Variants in SGCZ observed in about 807,000 individuals in gnomAD.
SGCZ encodes zeta-sarcoglycan.
Under a neutral mutation model 41.3 loss-of-function variants are expected in SGCZ, and 40 were observed. That is an observed-to-expected ratio of 0.97 (90% confidence interval 0.75 to 1.26). The LOEUF (loss-of-function observed/expected upper bound fraction) is 1.26, where lower values mean the gene tolerates loss of function less well. SGCZ is among the 50% of genes most tolerant of loss of function. SGCZ has a pLI of 0.00. For missense variants in SGCZ, 552 were observed against 369.8 expected, an observed-to-expected ratio of 1.49 and a Z score of -4.04; for synonymous variants, 206 against 137.5, an observed-to-expected ratio of 1.50 and a Z score of -3.49.
At position 14,743,427 on chromosome 8, in the gene SGCZ, T is replaced by C. The variant is rs557619478; in HGVS notation, c.40-188501A>G. On this transcript the variant is annotated intron_variant, in intron 1 of 7. Coordinates refer to ENST00000382080, the MANE Select transcript of SGCZ (RefSeq NM_139167.4). ...TAATGGAATACTGTTTTATATGAAATAACTTTTCATATACTGTGCCCTATA... is the reference window on the plus strand; with the variant it reads ...TAATGGAATACTGTTTTATATGAAACAACTTTTCATATACTGTGCCCTATA... Among the ~76,000 whole-genome samples, 5 of 152,220 alleles carry C rather than the reference T, an allele frequency of 3.3e-5. No individual in the cohort carries two copies. In the South Asian group the frequency reaches 1.0e-3, roughly 32 times the overall value.
intron 1 of SGCZ, among the ~76,000 whole-genome samples, chr8:14,724,982 C>T (rs563616387): frequency 1.3e-4 from 20 of 152,082 alleles, no homozygotes; most frequent in Admixed American, 3.3e-4. Context: ...CCCCCACCAA[C>T]ACCACTTTAT....
intron 1 of SGCZ, among the ~76,000 whole-genome samples, chr8:14,642,321 A>G (rs143690702): frequency 6.6e-6 from 1 of 151,684 alleles, no homozygotes; most frequent in African/African-American, 2.4e-5. Flanking sequence ...ATAAAATTAT[A>G]TAAGAACTAT....
intron 3 of SGCZ, among the ~76,000 whole-genome samples, chr8:14,316,347 C>G (rs1310264356): frequency 6.6e-6 from 1 of 151,826 alleles, no homozygotes; most frequent in Admixed American, 6.6e-5. Context: ...AAGTTCATCT[C>G]AATAATAAAA....
chr8:14,413,762 C>T (rs192015388), intron 2 of SGCZ, among the ~76,000 whole-genome samples: 33 of 152,088 alleles, frequency 2.2e-4, no homozygotes, highest in Admixed American at 4.6e-4. Flanking sequence ...CCTATAAAAA[C>T]ACACCCACAT....
intron 5 of SGCZ, among the ~76,000 whole-genome samples, chr8:14,117,496 G>C (rs79903512): frequency 2.0e-3 from 304 of 151,194 alleles, no homozygotes; most frequent in Non-Finnish European, 3.8e-3. Context: ...GTGTGTGTGT[G>C]TATGTGTACT....
chr8:14,406,496 A>G (rs767189546), intron 2 of SGCZ, among the ~76,000 whole-genome samples: 17 of 152,190 alleles, frequency 1.1e-4, no homozygotes, highest in Non-Finnish European at 1.6e-4. Context: ...TAGCTGGAAT[A>G]TAGTGGGCAC....
rs951410328 is a variant in SGCZ at position 15,012,683 on chromosome 8, A to T, written c.39+224902T>A. On this transcript the variant is annotated intron_variant, in intron 1 of 7. Coordinates refer to ENST00000382080, the MANE Select transcript of SGCZ (RefSeq NM_139167.4). ...TAATATATATTTATTATATATTTATAATATAAATATAAATATTTTATATAA... is the reference window on the plus strand; with the variant it reads ...TAATATATATTTATTATATATTTATTATATAAATATAAATATTTTATATAA... Among the ~76,000 whole-genome samples the T allele has an allele frequency of 6.7e-5, 8 of 118,894 alleles. No homozygotes were observed. In the East Asian group the frequency reaches 1.2e-3, roughly 18 times the overall value. The allele number at this position is 118,894 out of a possible 152,430, so 78.0% of individuals were successfully genotyped here. A position where few individuals can be genotyped will look rare whatever the true frequency, so the allele number is the denominator to read the frequency against.
chr8:14,309,710 G>C (rs759344219), intron 3 of SGCZ: 3 of 1,608,528 alleles, frequency 1.9e-6, no homozygotes, highest in Non-Finnish European at 2.5e-6. Flanking sequence ...AGGAGACTGA[G>C]TTAAGCAATC....
chr8:15,078,408 A>G (rs1218940370), intron 1 of SGCZ, among the ~76,000 whole-genome samples: 1 of 151,534 alleles, frequency 6.6e-6, no homozygotes, highest in African/African-American at 2.4e-5. Flanking sequence ...TGTACTCTCT[A>G]TCTCAGGTCA....
chr8:14,675,310 G>C (rs548684918), intron 1 of SGCZ, among the ~76,000 whole-genome samples: 1 of 151,636 alleles, frequency 6.6e-6, no homozygotes, highest in Non-Finnish European at 1.5e-5. Context: ...GAACAATACA[G>C]TAGTCCATAA....
intron 1 of SGCZ, among the ~76,000 whole-genome samples, chr8:14,997,938 C>T (rs141813169): frequency 0.042 from 6,367 of 151,606 alleles, 188 homozygotes; most frequent in East Asian, 0.085. Flanking sequence ...CCAGCCTGGG[C>T]GAAAGAGTGA....
Position 14,135,221 on chromosome 8 carries a change from A to G in SGCZ, c.548-26986T>C, listed in dbSNP as rs114319254. On this transcript the variant is annotated intron_variant, in intron 5 of 7. Coordinates refer to ENST00000382080, the MANE Select transcript of SGCZ (RefSeq NM_139167.4). ...GTAATTTTGTTTAAATGAATAAATA[A>G]TAAAATAAATTCAAAGCTTTTTCAC... Among the ~76,000 whole-genome samples, 1,347 of 152,360 alleles carry G rather than the reference A, an allele frequency of 8.8e-3. 19 individuals are homozygous for G. Among genetic ancestry groups the G allele is most frequent in the African/African-American group, 0.03 (1,257 of 41,584 alleles).
rs1419362222 is a variant in SGCZ at position 14,933,721 on chromosome 8, G to A, written c.39+303864C>T. ...CCCGCCTTGGCCTACCAAAGTGCTG[G>A]GATTACAGGCATGAGCCACCGCGGC... On this transcript the variant is annotated intron_variant, in intron 1 of 7. Transcript: ENST00000382080. 2.0e-5 allele frequency among the ~76,000 whole-genome samples: 3 copies of A among 151,864 alleles called. 1 individual carries two copies. The highest frequency in any genetic ancestry group is 7.3e-5 in the African/African-American group (3 of 41,240).
At chr8:14,891,501 T>C (rs896486111) in intron 1 of SGCZ, among the ~76,000 whole-genome samples, 1 of 152,162 alleles carries the variant, frequency 6.6e-6, no homozygotes, top group Non-Finnish European at 1.5e-5. Flanking sequence ...ATTAGGATAA[T>C]GAGTTACTTC....
chr8:14,435,599 C>T (rs1245706075), intron 2 of SGCZ, among the ~76,000 whole-genome samples: 1 of 152,164 alleles, frequency 6.6e-6, no homozygotes, highest in East Asian at 1.9e-4. Context: ...ATAGCATGGC[C>T]TATATCTACA....
At position 14,128,232 on chromosome 8, in the gene SGCZ, G is replaced by A. The variant is rs146569179; in HGVS notation, c.548-19997C>T. On this transcript the variant is annotated intron_variant, in intron 5 of 7. Transcript: ENST00000382080. ...TGACATAAACAGGCATTTTTCAAAG[G>A]CAGAGACATAAATGGCCAACAAGCC... 1.4e-3 allele frequency among the ~76,000 whole-genome samples: 211 copies of A among 152,230 alleles called. 1 individual carries two copies. The highest frequency in any genetic ancestry group is 2.4e-3 in the Non-Finnish European group (164 of 68,020).
At chr8:14,871,770 C>T (rs1804158757) in intron 1 of SGCZ, among the ~76,000 whole-genome samples, 1 of 151,776 alleles carries the variant, frequency 6.6e-6, no homozygotes, top group Non-Finnish European at 1.5e-5. Context: ...CACCACTGCA[C>T]ACCAGCCTGG....
At chr8:14,262,652 TTC>T (rs989956634) in intron 3 of SGCZ, among the ~76,000 whole-genome samples, 2 of 151,894 alleles carry the variant, frequency 1.3e-5, no homozygotes, top group Non-Finnish European at 2.9e-5. Flanking sequence ...ATTTAGACTT[TTC>T]TCTTTTATTG....
At chr8:14,292,890 T>A (rs924308264) in intron 3 of SGCZ, among the ~76,000 whole-genome samples, 5 of 152,064 alleles carry the variant, frequency 3.3e-5, no homozygotes, top group Non-Finnish European at 5.9e-5. Flanking sequence ...TTATTTTTGC[T>A]ATTATTTTCT....
Sources: allele counts gnomAD v4.1 joint callset (sites outside exome capture counted in the v4.1 genomes callset), GRCh38; gene constraint gnomAD v4.1.1; transcripts MANE v1.5; gene names NCBI Gene and HGNC (gene_info 2026-07-23, HGNC 2026-07-21).